CDC14B: variants seen among roughly 807,000 people sequenced by gnomAD.
CDC14B encodes the protein cell division cycle 14B, also known as dual specificity protein phosphatase CDC14B.
CDC14B carries 22 observed loss-of-function variants against 64.2 expected under a neutral mutation model. That is an observed-to-expected ratio of 0.34 (90% CI 0.24 to 0.49). The LOEUF (loss-of-function observed/expected upper bound fraction) is 0.49. Ranked by LOEUF, CDC14B falls within the 20% of genes least tolerant of loss-of-function variation. The pLI is 0.99. For synonymous variants in CDC14B, 191 were observed against 215.8 expected, an observed-to-expected ratio of 0.89 and a Z score of 1.01; for missense variants, 498 against 629.9, an observed-to-expected ratio of 0.79 and a Z score of 2.24.
intron 1 of CDC14B, among the ~76,000 whole-genome samples, chr9:96,601,129 A>T (rs1017899495): frequency 2.6e-5 from 4 of 151,712 alleles, no homozygotes; most frequent in African/African-American, 7.3e-5. Context: ...ACATAGCAAG[A>T]CTCCCTCTCA....
At chr9:96,563,235 G>A (rs1299033487) in intron 3 of CDC14B, among the ~76,000 whole-genome samples, 1 of 152,238 alleles carries the variant, frequency 6.6e-6, no homozygotes, top group South Asian at 2.1e-4. Context: ...ATGGAGGGCT[G>A]CTATGGGGTG....
chr9:96,523,370 T>C lies in CDC14B; in HGVS notation c.1136A>G (p.Lys379Arg), dbSNP rs775398794. ...TCTGTGTTGTCCATTCTCCTGCCCCTTTAACTTCTGACGAAAATAGTCCCC... is the reference window on the plus strand; with the variant it reads ...TCTGTGTTGTCCATTCTCCTGCCCCCTTAACTTCTGACGAAAATAGTCCCC... ...LEGDYFRQKL[K>R]GQENGQHRAA... Residue 379 changes from lysine (K) to arginine (R), a missense_variant, in exon 11 of 14, where the codon AAG becomes AGG. By Grantham distance (26) the Lys-to-Arg change is conservative. Transcript: ENST00000375241. 1.1e-5 allele frequency: 18 copies of C among 1,614,048 alleles called. No homozygotes were observed. Among genetic ancestry groups the C allele is most frequent in the Admixed American group, 1.7e-5 (1 of 60,006 alleles).
intron 4 of CDC14B, among the ~76,000 whole-genome samples, chr9:96,554,629 G>A (rs914941138): frequency 6.6e-6 from 1 of 151,988 alleles, no homozygotes; most frequent in African/African-American, 2.4e-5. Context: ...GGGAATGCTG[G>A]CACATAAATA....
At chr9:96,517,226 C>T (rs112763975) in intron 12 of CDC14B, among the ~76,000 whole-genome samples, 22,228 of 150,764 alleles carry the variant, frequency 0.15, 1,743 homozygotes, top group Non-Finnish European at 0.18. Flanking sequence ...CCTGTAATCC[C>T]AGCTACTCGG....
intron 1 of CDC14B, among the ~76,000 whole-genome samples, chr9:96,583,247 A>G (rs1845261640): frequency 6.6e-6 from 1 of 152,058 alleles, no homozygotes; most frequent in Non-Finnish European, 1.5e-5. Context: ...TATTTTATGG[A>G]TACACCCCAC....
chr9:96,522,910 C>G (rs912973390), intron 11 of CDC14B, among the ~76,000 whole-genome samples: 5 of 152,252 alleles, frequency 3.3e-5, no homozygotes, highest in African/African-American at 1.2e-4. Context: ...AGTACTGCTA[C>G]CCCCTAAGCC....
intron 13 of CDC14B, among the ~76,000 whole-genome samples, chr9:96,494,811 CG>C (rs2131178518): frequency 1.7e-5 from 2 of 116,840 alleles, no homozygotes; most frequent in South Asian, 7.0e-4. Flanking sequence ...AGTCTCGTCC[CG>C]TCCCATCCCG....
intron 12 of CDC14B, 24 bp from the exon 13 acceptor site, chr9:96,509,813 A>G (rs1834664142): frequency 7.0e-7 from 1 of 1,428,614 alleles, no homozygotes; most frequent in African/African-American, 1.4e-5. Flanking sequence ...GAAAAAAATA[A>G]GATTATATTC....
intron 1 of CDC14B, among the ~76,000 whole-genome samples, chr9:96,604,313 T>C (rs1322311340): frequency 2.0e-5 from 3 of 151,084 alleles, no homozygotes; most frequent in African/African-American, 7.3e-5. Flanking sequence ...CCTTAAACAT[T>C]TCCTTGAAAA....
intron 9 of CDC14B, among the ~76,000 whole-genome samples, chr9:96,531,956 A>G (rs944361505): frequency 3.9e-5 from 6 of 152,024 alleles, no homozygotes; most frequent in African/African-American, 1.2e-4. Context: ...TAGTGATTAA[A>G]AACTCCCTTT....
intron 1 of CDC14B, among the ~76,000 whole-genome samples, chr9:96,576,102 C>T (rs1041025863): frequency 6.6e-6 from 1 of 151,114 alleles, no homozygotes; most frequent in South Asian, 2.1e-4. Context: ...ATGGTGAAAC[C>T]TCGTCTAAAT....
rs185109862 is a variant in CDC14B at position 96,540,720 on chromosome 9, C to A, written c.564+1106G>T. On this transcript the variant is annotated intron_variant, in intron 6 of 13. Transcript: ENST00000375241. The stretch of plus-strand genomic sequence containing the variant: ...TTTTAAAGGTGAGTGTGCCTGCCTG[C>A]ATGAGCCCACCTGGCAGGGGCTGCA... 1.2e-4 allele frequency among the ~76,000 whole-genome samples: 19 copies of A among 152,182 alleles called. No individual in the cohort carries two copies. In the East Asian group the frequency reaches 3.5e-3, roughly 28 times the overall value.
intron 1 of CDC14B, among the ~76,000 whole-genome samples, chr9:96,566,335 A>T (rs1009516443): frequency 1.3e-5 from 2 of 151,024 alleles, no homozygotes; most frequent in East Asian, 1.9e-4. Flanking sequence ...GCCAGCTGGC[A>T]CCCTTTCCCC....
intron 1 of CDC14B, among the ~76,000 whole-genome samples, chr9:96,597,410 C>G (rs1248548741): frequency 6.6e-6 from 1 of 151,532 alleles, no homozygotes; most frequent in Non-Finnish European, 1.5e-5. Flanking sequence ...AGGAGAAACG[C>G]TTGAACCCAG....
intron 5 of CDC14B, among the ~76,000 whole-genome samples, chr9:96,543,400 T>C (rs1840369462): frequency 1.3e-5 from 2 of 151,964 alleles, no homozygotes; most frequent in Non-Finnish European, 2.9e-5. Context: ...TCCCGAAGTG[T>C]TGAGATTACA....
intron 12 of CDC14B, 63 bp downstream of exon 12, chr9:96,522,443 C>A: frequency 9.3e-7 from 1 of 1,076,000 alleles, no homozygotes; most frequent in South Asian, 1.3e-5. Flanking sequence ...AGGAAAAACC[C>A]TCACCAAGGA....
rs571082192 is a variant in CDC14B, at chr9:96,526,970, CTTTTG to C, written c.947-3250_947-3246del. On this transcript the variant is annotated intron_variant, in intron 9 of 13. Coordinates refer to ENST00000375241, the MANE Select transcript of CDC14B (RefSeq NM_033331.4). ...TAAAAAATGAAATAAGCAATGCTGGCTTTTGTTTTAATTATGTTTAAAAATTGGAG... is the reference window on the plus strand; with the variant it reads ...TAAAAAATGAAATAAGCAATGCTGGCTTTTAATTATGTTTAAAAATTGGAG... Among the ~76,000 whole-genome samples the C allele has an allele frequency of 2.5e-3, 384 of 152,270 alleles. 2 individuals are homozygous for C. Among genetic ancestry groups the C allele is most frequent in the African/African-American group, 8.7e-3 (361 of 41,542 alleles).
At chr9:96,581,158 A>C (rs1845125607) in intron 1 of CDC14B, among the ~76,000 whole-genome samples, 1 of 152,200 alleles carries the variant, frequency 6.6e-6, no homozygotes, top group African/African-American at 2.4e-5. Context: ...TGAACCCAGG[A>C]GGTGGAGGTT....
At chr9:96,579,341 A>C (rs1219369752) in intron 1 of CDC14B, among the ~76,000 whole-genome samples, 3 of 151,992 alleles carry the variant, frequency 2.0e-5, no homozygotes, top group Admixed American at 2.0e-4. Flanking sequence ...TAATCCCAGC[A>C]CTTTGGGAAG....
Sources: gnomAD v4.1 joint callset for allele counts (sites outside exome capture counted in the v4.1 genomes callset) on GRCh38, gnomAD v4.1.1 for gene constraint, MANE v1.5 for transcripts, NCBI Gene and HGNC (gene_info 2026-07-23, HGNC 2026-07-21) for gene names.